HPSE2: variants seen among roughly 807,000 people sequenced by gnomAD.
HPSE2 encodes heparanase 2 (inactive), also known as inactive heparanase-2.
A neutral mutation model predicts 60.5 loss-of-function variants in HPSE2; 38 were observed. The observed-to-expected ratio is 0.63, with a 90% CI of 0.48 to 0.82. HPSE2 has a LOEUF of 0.82. Ranked by LOEUF, HPSE2 falls within the 40% of genes least tolerant of loss-of-function variation. The probability of loss-of-function intolerance (pLI) is 0.00; values close to 1 mark genes in which losing one functional copy is unlikely to be tolerated. For synonymous variants in HPSE2, 295 were observed against 293.2 expected (o/e 1.01, Z -0.06); for missense variants, 713 against 740.4 (o/e 0.96, Z 0.43).
intron 11 of HPSE2, among the ~76,000 whole-genome samples, chr10:98,464,359 G>A (rs111571897): frequency 5.3e-5 from 8 of 152,238 alleles, no homozygotes; most frequent in Non-Finnish European, 8.8e-5. Context: ...CCAAGCCCCC[G>A]TGCCCTAGCA....
At chr10:98,599,367 G>A (rs781469860) in intron 9 of HPSE2, among the ~76,000 whole-genome samples, 3 of 152,130 alleles carry the variant, frequency 2.0e-5, no homozygotes, top group Non-Finnish European at 4.4e-5. Flanking sequence ...GGGGTGGTTT[G>A]GATACTGTGT....
chr10:99,256,916 G>C, the HPSE2 span, among the ~76,000 whole-genome samples: 3 of 152,286 alleles, frequency 2.0e-5, no homozygotes, highest in South Asian at 6.2e-4. Context: ...CAAATCAAGG[G>C]ATTGGCTGAA....
chr10:98,881,832 G>A (rs1219297550), intron 3 of HPSE2, among the ~76,000 whole-genome samples: 1 of 152,022 alleles, frequency 6.6e-6, no homozygotes, highest in Non-Finnish European at 1.5e-5. Flanking sequence ...ACTAGTTTTT[G>A]TTGCATAACT....
At chr10:98,964,437 A>G (rs909803264) in intron 3 of HPSE2, among the ~76,000 whole-genome samples, 1 of 152,168 alleles carries the variant, frequency 6.6e-6, no homozygotes, top group Non-Finnish European at 1.5e-5. Context: ...TTTAGAATCC[A>G]TATTATCTGC....
At chr10:99,232,305 T>G in intron 2 of HPSE2, 43 bp downstream of exon 2, 1 of 1,546,250 alleles carries the variant, frequency 6.5e-7, no homozygotes, top group African/African-American at 1.4e-5. Context: ...AGCGGGTGCT[T>G]GCTTCCGCTC....
chr10:98,493,540 A>C (rs1941728956), intron 9 of HPSE2, among the ~76,000 whole-genome samples: 1 of 152,072 alleles, frequency 6.6e-6, no homozygotes, highest in Non-Finnish European at 1.5e-5. Context: ...TTAATATATA[A>C]TTTCCTTCTT....
At chr10:98,579,547 G>A (rs1944735415) in intron 9 of HPSE2, among the ~76,000 whole-genome samples, 1 of 151,874 alleles carries the variant, frequency 6.6e-6, no homozygotes, top group South Asian at 2.1e-4. Context: ...TGTAAGAGGA[G>A]GTCATTAGTT....
At chr10:99,194,116 A>C (rs902460317) in intron 2 of HPSE2, among the ~76,000 whole-genome samples, 1 of 152,122 alleles carries the variant, frequency 6.6e-6, no homozygotes, top group African/African-American at 2.4e-5. Flanking sequence ...AATTAATAAT[A>C]AGAGAAATTT....
intron 3 of HPSE2, among the ~76,000 whole-genome samples, chr10:98,974,980 T>C (rs898214125): frequency 6.6e-6 from 1 of 152,248 alleles, no homozygotes; most frequent in African/African-American, 2.4e-5. Flanking sequence ...TATTCTAGTA[T>C]TCAATATAGC....
chr10:99,050,425 G>T (rs1049326158), intron 3 of HPSE2, among the ~76,000 whole-genome samples: 24 of 152,132 alleles, frequency 1.6e-4, no homozygotes, highest in African/African-American at 5.8e-4. Context: ...AAAACAGTAT[G>T]GATATTCCTC....
chr10:98,770,146 G>C (rs1420446755), intron 3 of HPSE2, among the ~76,000 whole-genome samples: 1 of 152,168 alleles, frequency 6.6e-6, no homozygotes, highest in Non-Finnish European at 1.5e-5. Context: ...GTGTTCCAAA[G>C]ACTTACTTGT....
intron 11 of HPSE2, among the ~76,000 whole-genome samples, chr10:98,475,218 T>C (rs1940956460): frequency 1.3e-5 from 2 of 151,694 alleles, no homozygotes; most frequent in Non-Finnish European, 1.5e-5. Flanking sequence ...CCTGGGTTCA[T>C]GCCATTCTCC....
intron 3 of HPSE2, among the ~76,000 whole-genome samples, chr10:99,089,347 G>T (rs964158676): frequency 2.6e-5 from 4 of 152,126 alleles, no homozygotes; most frequent in Non-Finnish European, 4.4e-5. Flanking sequence ...GTTGATTTTT[G>T]TATAAGGTGA....
Position 98,935,452 on chromosome 10 carries a change from C to T in HPSE2, c.611-191396G>A, listed in dbSNP as rs1341062721. The stretch of plus-strand genomic sequence containing the variant: ...TACCTTTGATCTTTGAGGCTGACAA[C>T]CTTTGGATAGGGTTTTTGTGGGGTC... On this transcript the variant is annotated intron_variant, in intron 3 of 11. Coordinates refer to ENST00000370552, the MANE Select transcript of HPSE2 (RefSeq NM_021828.5). Among the ~76,000 whole-genome samples, 6 of 143,668 alleles carry T rather than the reference C, an allele frequency of 4.2e-5. 1 individual carries two copies. Among genetic ancestry groups the T allele is most frequent in the Non-Finnish European group, 7.5e-5 (5 of 67,108 alleles). The allele number at this position is 143,668 out of a possible 152,430, so 94.3% of individuals were successfully genotyped here.
intron 9 of HPSE2, among the ~76,000 whole-genome samples, chr10:98,563,712 CTTAT>C (rs1403373312): frequency 1.3e-5 from 2 of 152,036 alleles, no homozygotes; most frequent in Admixed American, 6.6e-5. Context: ...ATACTTTCTT[CTTAT>C]TTTTTTTTCT....
At chr10:98,461,365 T>C (rs1940279389) in intron 11 of HPSE2, among the ~76,000 whole-genome samples, 1 of 150,582 alleles carries the variant, frequency 6.6e-6, no homozygotes, top group South Asian at 2.1e-4. Context: ...AGGAGGCTTC[T>C]ATATGGAGAG....
intron 3 of HPSE2, among the ~76,000 whole-genome samples, chr10:98,912,925 T>C (rs1246412336): frequency 6.6e-6 from 1 of 151,542 alleles, no homozygotes; most frequent in African/African-American, 2.4e-5. Flanking sequence ...ACACTTAAAA[T>C]TAAGTAAAAT....
the HPSE2 span, among the ~76,000 whole-genome samples, chr10:99,263,666 T>C: frequency 6.6e-6 from 1 of 152,102 alleles, no homozygotes; most frequent in Non-Finnish European, 1.5e-5. Flanking sequence ...GTCACTCCTA[T>C]TTACTCTCCC....
chr10:98,695,420 T>A (rs555716108), intron 5 of HPSE2, among the ~76,000 whole-genome samples: 39 of 152,292 alleles, frequency 2.6e-4, no homozygotes, highest in African/African-American at 8.9e-4. Context: ...GATCGAGGAA[T>A]AGAACTGGTT....
Sources: allele counts gnomAD v4.1 joint callset (sites outside exome capture counted in the v4.1 genomes callset), GRCh38; gene constraint gnomAD v4.1.1; transcripts MANE v1.5; gene names NCBI Gene and HGNC (gene_info 2026-07-23, HGNC 2026-07-21).